Variants in RAB4A observed in about 807,000 individuals in gnomAD.
RAB4A encodes the protein RAB4A, member RAS oncogene family, also known as ras-related protein Rab-4A.
In RAB4A, 20 loss-of-function variants were observed where a neutral mutation model predicts 34.5. The ratio of observed to expected loss-of-function variants is 0.58; its 90% CI spans 0.41 to 0.84. The LOEUF (loss-of-function observed/expected upper bound fraction) is 0.84, where lower values mean the gene tolerates loss of function less well. Among genes scored for constraint, RAB4A ranks in the 40% least tolerant of loss-of-function variants. The probability of loss-of-function intolerance (pLI) is 0.00; values close to 1 mark genes in which losing one functional copy is unlikely to be tolerated. For synonymous variants in RAB4A, 102 were observed against 100.0 expected (o/e 1.02, Z -0.12); for missense variants, 228 against 274.5 (o/e 0.83, Z 1.20).
In RAB4A at chr1:229,271,368, AC is replaced by A; in HGVS notation, c.30del (p.Tyr10Ter). 7.9e-7 allele frequency: 1 copy of A among 1,266,384 alleles called. No individual in the cohort carries two copies. The highest frequency in any genetic ancestry group is 9.9e-7 in the Non-Finnish European group (1 of 1,006,874). 78.4% of individuals were successfully genotyped at this position (1,266,384 alleles called of 1,614,324 possible). The stretch of plus-strand genomic sequence containing the variant: ...TCGCAGACGGCCATGTCCGAAACCT[AC>A]GGTACGAGGCCCGGGCTGGCGGGGC... MSQTAMSET[Y>X]DFLFKFLVIG... On this transcript the variant is annotated frameshift_variant and splice_region_variant, in exon 1 of 8. Transcript: ENST00000366690. LOFTEE classifies it high-confidence loss of function.
At chr1:229,301,990 C>T (rs894183117) in intron 6 of RAB4A, among the ~76,000 whole-genome samples, 1 of 151,606 alleles carries the variant, frequency 6.6e-6, no homozygotes, top group African/African-American at 2.4e-5. Context: ...CCAACATTGC[C>T]ACTGAAAGGA....
Position 229,271,230 on chromosome 1 carries a change from G to GC in RAB4A, c.-106dup, listed in dbSNP as rs930982298. 1 of 1,126,092 alleles carries GC rather than the reference G, an allele frequency of 8.9e-7. No individual in the cohort carries two copies. Among genetic ancestry groups the GC allele is most frequent in the East Asian group, 3.5e-5 (1 of 28,854 alleles). 69.8% of individuals were successfully genotyped at this position (1,126,092 alleles called of 1,614,324 possible). A position where few individuals can be genotyped will look rare whatever the true frequency, so the allele number is the denominator to read the frequency against. ...GGCGGTTGCCGTGGGGACCGGTCGG[G>GC]CCCCTCCCTCCTCCGGTCCCCCGCC... On this transcript the variant is annotated 5_prime_UTR_variant, in exon 1 of 8. Transcript: ENST00000366690.
At chr1:229,285,025 A>G (rs1656886245) in intron 1 of RAB4A, among the ~76,000 whole-genome samples, 1 of 152,286 alleles carries the variant, frequency 6.6e-6, no homozygotes, top group South Asian at 2.1e-4. Flanking sequence ...TAATTAGTTT[A>G]CAGACAGAGT....
At chr1:229,294,624 G>A (rs1000551134) in intron 3 of RAB4A, among the ~76,000 whole-genome samples, 4 of 152,214 alleles carry the variant, frequency 2.6e-5, no homozygotes, top group African/African-American at 4.8e-5. Context: ...TGGATCATCC[G>A]AGGTCAAGAG....
intron 3 of RAB4A, among the ~76,000 whole-genome samples, chr1:229,292,540 C>G (rs1227401643): frequency 6.6e-6 from 1 of 152,168 alleles, no homozygotes. Context: ...ACAGTCCACT[C>G]TGCACCTCTA....
intron 6 of RAB4A, among the ~76,000 whole-genome samples, chr1:229,302,304 TATATA>T (rs1441111435): frequency 6.4e-4 from 21 of 32,684 alleles, no homozygotes; most frequent in South Asian, 2.1e-3. Context: ...TATATATATA[TATATA>T]TTTTTTTTTT....
At chr1:229,289,506 A>G (rs1657008919) in intron 3 of RAB4A, among the ~76,000 whole-genome samples, 1 of 152,216 alleles carries the variant, frequency 6.6e-6, no homozygotes, top group Non-Finnish European at 1.5e-5. Flanking sequence ...AGTTGAGTAC[A>G]TGTCGTATAT....
intron 5 of RAB4A, 100 bp downstream of exon 5, chr1:229,297,736 C>A: frequency 7.9e-7 from 1 of 1,268,930 alleles, no homozygotes; most frequent in Non-Finnish European, 1.1e-6. Context: ...CAAGATTAAA[C>A]TAGATTTAGG....
chr1:229,276,298 G>C (rs1177425153), intron 1 of RAB4A, among the ~76,000 whole-genome samples: 1 of 151,300 alleles, frequency 6.6e-6, no homozygotes, highest in Non-Finnish European at 1.5e-5. Context: ...GGGCCGTGCA[G>C]GTGCTGTTGG....
intron 1 of RAB4A, among the ~76,000 whole-genome samples, chr1:229,284,344 C>T (rs1013390074): frequency 5.3e-4 from 81 of 152,090 alleles, no homozygotes; most frequent in African/African-American, 1.7e-3. Flanking sequence ...GTGATCCATC[C>T]GCCTCAGTCT....
chr1:229,297,368 G>A (rs981768926), intron 4 of RAB4A, 114 bp from the exon 5 acceptor site: 33 of 1,045,520 alleles, frequency 3.2e-5, no homozygotes, highest in Non-Finnish European at 4.1e-5. Flanking sequence ...TCTTAAAGGT[G>A]TTGGTGCCAT....
chr1:229,289,018 C>A, intron 3 of RAB4A, 175 bp downstream of exon 3: 1 of 578,150 alleles, frequency 1.7e-6, no homozygotes, highest in Non-Finnish European at 3.1e-6. Flanking sequence ...TTTAGGTTAG[C>A]TCTCTGCAGC....
intron 6 of RAB4A, among the ~76,000 whole-genome samples, chr1:229,301,140 G>A (rs912988010): frequency 8.5e-5 from 13 of 152,250 alleles, no homozygotes; most frequent in South Asian, 2.1e-4. Flanking sequence ...ATGGCTGGCC[G>A]TCCGTTAGGA....
At chr1:229,302,269 AT>A (rs1657403864) in intron 6 of RAB4A, among the ~76,000 whole-genome samples, 1 of 10,056 alleles carries the variant, frequency 9.9e-5, no homozygotes, top group East Asian at 1.7e-3. Context: ...ATATATATAT[AT>A]ATATATATAT....
chr1:229,299,126 C>T, intron 6 of RAB4A, 54 bp downstream of exon 6: 2 of 1,189,652 alleles, frequency 1.7e-6, no homozygotes, highest in Non-Finnish European at 2.4e-6. Flanking sequence ...CACTGTAGCT[C>T]AGTAGATCAC....
intron 6 of RAB4A, among the ~76,000 whole-genome samples, chr1:229,301,024 C>T (rs573743215): frequency 1.3e-4 from 20 of 152,168 alleles, no homozygotes; most frequent in Admixed American, 9.8e-4. Flanking sequence ...CAGAGGGAAG[C>T]CTCATAAGCT....
intron 3 of RAB4A, among the ~76,000 whole-genome samples, chr1:229,294,995 T>C: frequency 6.6e-6 from 1 of 151,874 alleles, no homozygotes; most frequent in East Asian, 1.9e-4. Flanking sequence ...TTTTTTTTCT[T>C]TCTGTTGCCT....
chr1:229,293,474 A>G (rs1349048666), intron 3 of RAB4A, among the ~76,000 whole-genome samples: 1 of 152,180 alleles, frequency 6.6e-6, no homozygotes, highest in Non-Finnish European at 1.5e-5. Flanking sequence ...CACCTTTATC[A>G]CTAAGGAAAT....
chr1:229,271,519 C>T (rs1656476532), intron 1 of RAB4A, 149 bp downstream of exon 1: 1 of 664,532 alleles, frequency 1.5e-6, no homozygotes, highest in Non-Finnish European at 2.0e-6. Flanking sequence ...GGGCTTGGGA[C>T]CGGGATGGGG....
Sources: gnomAD v4.1 joint callset for allele counts (sites outside exome capture counted in the v4.1 genomes callset) on GRCh38, gnomAD v4.1.1 for gene constraint, MANE v1.5 for transcripts, NCBI Gene and HGNC (gene_info 2026-07-23, HGNC 2026-07-21) for gene names.